The following SCHIP1 variants were observed in gnomAD, a reference collection of about 807,000 sequenced individuals.
SCHIP1 encodes the protein schwannomin-interacting protein 1.
SCHIP1 carries 8 observed loss-of-function variants against 29.7 expected under a neutral mutation model. That is an observed-to-expected ratio of 0.27 (90% CI 0.16 to 0.49). The LOEUF is 0.49. SCHIP1 is among the 20% of genes least tolerant of loss of function. The pLI, the probability that SCHIP1 is intolerant of heterozygous loss-of-function variation, is 0.99. For synonymous variants in SCHIP1, 76 were observed against 94.9 expected (o/e 0.80, Z 1.16); for missense variants, 193 against 294.6 (o/e 0.66, Z 2.52).
the SCHIP1 span, chr3:159,274,342 T>C: frequency 1.0e-6 from 1 of 980,400 alleles, no homozygotes; most frequent in South Asian, 4.7e-5. Context: ...AAAGAACAAA[T>C]GTCTAGGTAT....
chr3:159,720,323 A>G, the SCHIP1 span, among the ~76,000 whole-genome samples: 5 of 152,170 alleles, frequency 3.3e-5, no homozygotes, highest in African/African-American at 4.8e-5. Context: ...AACATGGCAC[A>G]TGTATACATA....
At chr3:159,619,022 A>C in the SCHIP1 span, among the ~76,000 whole-genome samples, 1 of 152,238 alleles carries the variant, frequency 6.6e-6, no homozygotes, top group Non-Finnish European at 1.5e-5. Context: ...GTGACTTCCA[A>C]TAAAATATGT....
At chr3:159,589,007 A>G in the SCHIP1 span, among the ~76,000 whole-genome samples, 3 of 152,164 alleles carry the variant, frequency 2.0e-5, no homozygotes. Flanking sequence ...GAAGGAAGTC[A>G]TTGGTAGCTT....
the SCHIP1 span, among the ~76,000 whole-genome samples, chr3:159,583,890 C>T: frequency 2.8e-4 from 43 of 152,262 alleles, no homozygotes; most frequent in African/African-American, 9.1e-4. Flanking sequence ...ACATGCCAAT[C>T]GGCTCTTTAT....
chr3:159,321,095 G>A, the SCHIP1 span, among the ~76,000 whole-genome samples: 2 of 152,136 alleles, frequency 1.3e-5, no homozygotes, highest in Admixed American at 6.5e-5. Context: ...CTCCCAAGTA[G>A]CTGGGATTAT....
chr3:159,333,796 A>G, the SCHIP1 span, among the ~76,000 whole-genome samples: 1 of 150,092 alleles, frequency 6.7e-6, no homozygotes, highest in Admixed American at 6.7e-5. Flanking sequence ...AAAATATTTC[A>G]TATTAAATTG....
the SCHIP1 span, among the ~76,000 whole-genome samples, chr3:159,632,234 G>C: frequency 1.3e-5 from 2 of 152,124 alleles, no homozygotes; most frequent in African/African-American, 4.8e-5. Flanking sequence ...ATTATTGTGA[G>C]CCTTCTGCAA....
At chr3:159,474,463 T>C in the SCHIP1 span, among the ~76,000 whole-genome samples, 168 of 152,086 alleles carry the variant, frequency 1.1e-3, 2 homozygotes, top group African/African-American at 3.9e-3. Context: ...TTAAATAGAG[T>C]ATCTTATGAA....
the SCHIP1 span, among the ~76,000 whole-genome samples, chr3:159,344,295 A>G: frequency 0.24 from 35,451 of 147,720 alleles, 4,569 homozygotes; most frequent in African/African-American, 0.33. Flanking sequence ...CACTCCAGCC[A>G]GGGCGACAAT....
At chr3:159,510,159 G>A in the SCHIP1 span, among the ~76,000 whole-genome samples, 1 of 152,120 alleles carries the variant, frequency 6.6e-6, no homozygotes, top group African/African-American at 2.4e-5. Context: ...TGGAGGCTAT[G>A]TTCATTTCTT....
the SCHIP1 span, among the ~76,000 whole-genome samples, chr3:159,659,795 G>A: frequency 2.4e-4 from 37 of 152,260 alleles, 1 homozygote; most frequent in African/African-American, 8.9e-4. Context: ...AATGTGTCCT[G>A]GAATTGGCAG....
chr3:159,626,875 G>A, the SCHIP1 span, among the ~76,000 whole-genome samples: 1 of 152,156 alleles, frequency 6.6e-6, no homozygotes, highest in Non-Finnish European at 1.5e-5. Flanking sequence ...GCTGCCATTT[G>A]ACTGAGGCTT....
intron 1 of SCHIP1, among the ~76,000 whole-genome samples, chr3:159,859,452 TG>T (rs1328317723): frequency 6.6e-6 from 1 of 152,170 alleles, no homozygotes; most frequent in East Asian, 1.9e-4. Context: ...TCTTATAAGC[TG>T]GGGGAAGAAA....
chr3:159,507,101 A>G, the SCHIP1 span, among the ~76,000 whole-genome samples: 1 of 152,212 alleles, frequency 6.6e-6, no homozygotes, highest in African/African-American at 2.4e-5. Context: ...ACCCATGAGC[A>G]TGGAATGTTC....
the SCHIP1 span, among the ~76,000 whole-genome samples, chr3:159,645,097 A>C: frequency 1.7e-4 from 26 of 152,164 alleles, no homozygotes; most frequent in Admixed American, 1.3e-4. Flanking sequence ...TATTTTATCT[A>C]ATAAATCATT....
chr3:159,410,103 T>C, the SCHIP1 span, among the ~76,000 whole-genome samples: 1 of 152,122 alleles, frequency 6.6e-6, no homozygotes, highest in Non-Finnish European at 1.5e-5. Context: ...TCCCTATCTC[T>C]CACCATATAC....
the SCHIP1 span, among the ~76,000 whole-genome samples, chr3:159,589,036 T>C: frequency 6.6e-6 from 1 of 152,200 alleles, no homozygotes; most frequent in African/African-American, 2.4e-5. Flanking sequence ...TGGTACTGAA[T>C]CTATAAATTA....
the SCHIP1 span, among the ~76,000 whole-genome samples, chr3:159,646,516 C>T: frequency 4.6e-5 from 7 of 152,264 alleles, no homozygotes; most frequent in African/African-American, 9.6e-5. Flanking sequence ...AACTCATCAT[C>T]GTGGTCTAAA....
chr3:159,697,970 ATAGT>A, the SCHIP1 span, among the ~76,000 whole-genome samples: 435 of 152,352 alleles, frequency 2.9e-3, 4 homozygotes, highest in African/African-American at 9.8e-3. Flanking sequence ...GATTAAAAGG[ATAGT>A]TAAAGAAAAA....
Sources: gnomAD v4.1 joint callset for allele counts (sites outside exome capture counted in the v4.1 genomes callset) on GRCh38, gnomAD v4.1.1 for gene constraint, MANE v1.5 for transcripts, NCBI Gene and HGNC (gene_info 2026-07-23, HGNC 2026-07-21) for gene names.